The following MALRD1 variants were observed in gnomAD, a reference collection of about 807,000 sequenced individuals.
MALRD1 encodes MAM and LDL-receptor class A domain-containing protein 1.
MALRD1 carries 247 observed loss-of-function variants against 242.1 expected under a neutral mutation model. The observed-to-expected ratio is 1.02, with a 90% confidence interval of 0.92 to 1.13. The LOEUF is 1.13. Among genes scored for constraint, MALRD1 ranks in the 50% most tolerant of loss-of-function variants. The pLI is 0.00. For missense variants in MALRD1, 2,989 were observed against 2,533.1 expected (o/e 1.18, Z -3.86); for synonymous variants, 995 against 866.6 (o/e 1.15, Z -2.60).
chr10:19,295,408 T>A (rs956212166), intron 21 of MALRD1, among the ~76,000 whole-genome samples: 3 of 151,992 alleles, frequency 2.0e-5, no homozygotes, highest in African/African-American at 7.2e-5. Context: ...TATTTTTATG[T>A]CTTTGGTACT....
At chr10:19,191,350 T>C (rs1835967282) in intron 14 of MALRD1, among the ~76,000 whole-genome samples, 2 of 151,854 alleles carry the variant, frequency 1.3e-5, no homozygotes, top group Admixed American at 6.6e-5. Flanking sequence ...AGTTAACAAG[T>C]GTTGGTGAGG....
chr10:19,379,823 A>G (rs1845759424), intron 26 of MALRD1, among the ~76,000 whole-genome samples: 1 of 152,110 alleles, frequency 6.6e-6, no homozygotes. Flanking sequence ...CATTTCTTCC[A>G]TACATTTACT....
At chr10:19,419,123 G>C (rs1382240356) in intron 28 of MALRD1, among the ~76,000 whole-genome samples, 1 of 152,100 alleles carries the variant, frequency 6.6e-6, no homozygotes, top group Non-Finnish European at 1.5e-5. Context: ...TTTGCCACCT[G>C]ACTCCCACGT....
At chr10:19,174,439 C>T (rs955197075) in intron 13 of MALRD1, among the ~76,000 whole-genome samples, 4 of 152,122 alleles carry the variant, frequency 2.6e-5, no homozygotes, top group African/African-American at 2.4e-5. Context: ...GGAGACCCTC[C>T]TTGACAGGAT....
intron 5 of MALRD1, among the ~76,000 whole-genome samples, chr10:19,122,443 A>C (rs535676985): frequency 5.3e-5 from 8 of 152,264 alleles, no homozygotes; most frequent in South Asian, 2.1e-4. Context: ...GAAACTGAGA[A>C]GCAAATAAAA....
intron 18 of MALRD1, among the ~76,000 whole-genome samples, chr10:19,248,057 G>T (rs1588774916): frequency 6.6e-6 from 1 of 152,008 alleles, no homozygotes; most frequent in African/African-American, 2.4e-5. Flanking sequence ...TGCTTTAAAT[G>T]AACATGGTTT....
At chr10:19,067,498 A>G (rs1690192520) in intron 2 of MALRD1, among the ~76,000 whole-genome samples, 2 of 152,254 alleles carry the variant, frequency 1.3e-5, no homozygotes, top group South Asian at 4.1e-4. Context: ...ACTAAAAGCT[A>G]GTTATTTTTA....
At chr10:19,409,745 C>T (rs1376737942) in intron 28 of MALRD1, among the ~76,000 whole-genome samples, 2 of 152,112 alleles carry the variant, frequency 1.3e-5, no homozygotes, top group East Asian at 1.9e-4. Flanking sequence ...TCATAGTTAT[C>T]TCACAATAAG....
chr10:19,265,321 G>GT (rs74920975), intron 19 of MALRD1, among the ~76,000 whole-genome samples: 25 of 150,682 alleles, frequency 1.7e-4, no homozygotes, highest in East Asian at 2.0e-4. Context: ...GCTTATTTGA[G>GT]TTTTTTTTAT....
intron 28 of MALRD1, among the ~76,000 whole-genome samples, chr10:19,444,461 A>G (rs539727520): frequency 6.6e-6 from 1 of 152,044 alleles, no homozygotes; most frequent in South Asian, 2.1e-4. Context: ...CGTTCTTTCC[A>G]TGTTTATTGC....
chr10:19,257,772 G>C lies in MALRD1; in HGVS notation c.3079+1G>C. On this transcript the variant is annotated splice_donor_variant, in intron 19 of 39. Transcript: ENST00000454679. LOFTEE classifies it high-confidence loss of function. ...TTTATGGACTGCACCCTCTACCCTG[G>C]TAAGAGAGAACATTTCAATTTGGGG... The C allele has an allele frequency of 6.6e-7, 1 of 1,504,318 alleles. No homozygotes were observed. Among genetic ancestry groups the C allele is most frequent in the Non-Finnish European group, 8.9e-7 (1 of 1,121,246 alleles). 93.2% of individuals were successfully genotyped at this position (1,504,318 alleles called of 1,614,324 possible). A position where few individuals can be genotyped will look rare whatever the true frequency, so the allele number is the denominator to read the frequency against.
intron 5 of MALRD1, among the ~76,000 whole-genome samples, chr10:19,108,942 C>T (rs1836574357): frequency 6.6e-6 from 1 of 152,084 alleles, no homozygotes; most frequent in African/African-American, 2.4e-5. Flanking sequence ...AATAATTGCT[C>T]CTTCCAATTT....
At chr10:19,389,674 C>CT in intron 28 of MALRD1, 65 bp downstream of exon 28, 2 of 1,464,622 alleles carry the variant, frequency 1.4e-6, no homozygotes, top group Non-Finnish European at 1.8e-6. Context: ...GGGTCTTGCT[C>CT]TGTCACTCAG....
At chr10:19,288,899 C>A (rs1004009268) in intron 21 of MALRD1, among the ~76,000 whole-genome samples, 1 of 151,974 alleles carries the variant, frequency 6.6e-6, no homozygotes, top group Admixed American at 6.6e-5. Context: ...TGCAGATGGG[C>A]CTTATACTAA....
At chr10:19,559,613 T>C (rs1835877375) in intron 32 of MALRD1, among the ~76,000 whole-genome samples, 1 of 152,040 alleles carries the variant, frequency 6.6e-6, no homozygotes, top group East Asian at 1.9e-4. Context: ...CCAAAAGCAA[T>C]GGCAACAAAG....
intron 38 of MALRD1, among the ~76,000 whole-genome samples, chr10:19,693,200 A>G (rs1188259930): frequency 6.6e-6 from 1 of 151,920 alleles, no homozygotes; most frequent in African/African-American, 2.4e-5. Context: ...CTCCTATTCA[A>G]CATAGTGTTG....
chr10:19,195,237 CA>C (rs1836185633), intron 14 of MALRD1, among the ~76,000 whole-genome samples: 1 of 152,198 alleles, frequency 6.6e-6, no homozygotes, highest in Admixed American at 6.5e-5. Context: ...GCAATATTTG[CA>C]GGTAACCACA....
intron 32 of MALRD1, among the ~76,000 whole-genome samples, chr10:19,536,989 C>T (rs966730132): frequency 2.6e-5 from 4 of 152,004 alleles, no homozygotes; most frequent in African/African-American, 4.8e-5. Flanking sequence ...GCCAGCCTTG[C>T]GACTATCTGG....
At chr10:19,489,976 T>C (rs1330768640) in intron 29 of MALRD1, among the ~76,000 whole-genome samples, 2 of 152,192 alleles carry the variant, frequency 1.3e-5, no homozygotes, top group African/African-American at 4.8e-5. Context: ...GCTATTCAGT[T>C]GTGAATTGGT....
Sources: gnomAD v4.1 joint callset for allele counts (sites outside exome capture counted in the v4.1 genomes callset) on GRCh38, gnomAD v4.1.1 for gene constraint, MANE v1.5 for transcripts, NCBI Gene and HGNC (gene_info 2026-07-23, HGNC 2026-07-21) for gene names.